NFKBIL1: variants seen among roughly 807,000 people sequenced by gnomAD.
NFKBIL1 encodes NFKB inhibitor like 1.
A neutral mutation model predicts 45.4 loss-of-function variants in NFKBIL1; 30 were observed. The ratio of observed to expected loss-of-function variants is 0.66; its 90% CI spans 0.49 to 0.90. NFKBIL1 has a LOEUF of 0.90. Among genes scored for constraint, NFKBIL1 ranks in the 40% least tolerant of loss-of-function variants. The pLI is 0.00. For missense variants in NFKBIL1, 434 were observed against 513.4 expected, an observed-to-expected ratio of 0.85 and a Z score of 1.49; for synonymous variants, 179 against 197.3, an observed-to-expected ratio of 0.91 and a Z score of 0.78.
rs777732846 is a variant in NFKBIL1, at chr6:31,557,592, C to T, written c.335-36C>T. The stretch of plus-strand genomic sequence containing the variant: ...GCAGCTCTGCCGAGGAGTGGGAGTC[C>T]CAGCTAACTTCTGCTCCCTGCTCTC... On this transcript the variant is annotated intron_variant, in intron 2 of 3. Transcript: ENST00000376148. This position sits in a 1 kb window ranked among gnomAD's most constrained non-coding sequence, Gnocchi z 5.4. 6.9e-7 allele frequency: 1 copy of T among 1,454,358 alleles called. No individual in the cohort carries two copies. Among genetic ancestry groups the T allele is most frequent in the African/African-American group, 1.4e-5 (1 of 70,444 alleles). 90.1% of individuals were successfully genotyped at this position (1,454,358 alleles called of 1,614,324 possible).
At chr6:31,556,987 G>A (rs998239087) in intron 2 of NFKBIL1, among the ~76,000 whole-genome samples, 1 of 152,208 alleles carries the variant, frequency 6.6e-6, no homozygotes, top group African/African-American at 2.4e-5. Flanking sequence ...AGTGAAAAGT[G>A]GAATACATAG....
chr6:31,558,209 G>A lies in NFKBIL1; in HGVS notation c.744G>A (p.Glu248=). The A allele has an allele frequency of 1.2e-6, 2 of 1,600,366 alleles. No homozygotes were observed. The highest frequency in any genetic ancestry group is 1.7e-6 in the Non-Finnish European group (2 of 1,174,344). Reference sequence around the variant, plus strand: ...AGGAGGAGCAGCGGCTCTTCAGGGAGCGAGCCCGGGCCAAGGAGGAAGAGC... The same window carrying A: ...AGGAGGAGCAGCGGCTCTTCAGGGAACGAGCCCGGGCCAAGGAGGAAGAGC... ...QQEEEQRLFR[E]RARAKEEELR... Residue 248 remains glutamate, a synonymous_variant, in exon 4 of 4, where the codon GAG becomes GAA. Transcript: ENST00000376148. This position sits in a 1 kb window ranked among gnomAD's most constrained non-coding sequence, Gnocchi z 7.2.
Position 31,558,008 on chromosome 6 carries a change from A to AC in NFKBIL1, c.557-11dup. The stretch of plus-strand genomic sequence containing the variant: ...GCCTCTCTCCAACTACCCCCATCCC[A>AC]CCCTCCCAAACAGGTGATGCCTCCC... On this transcript the variant is annotated splice_polypyrimidine_tract_variant and intron_variant, in intron 3 of 3. Transcript: ENST00000376148. This position sits in a 1 kb window ranked among gnomAD's most constrained non-coding sequence, Gnocchi z 7.2. 4.3e-6 allele frequency: 3 copies of AC among 705,100 alleles called. No homozygotes were observed. The highest frequency in any genetic ancestry group is 6.5e-6 in the Non-Finnish European group (3 of 462,002). 43.7% of individuals were successfully genotyped at this position (705,100 alleles called of 1,614,324 possible).
rs9279350 is a variant in NFKBIL1 at position 31,557,106 on chromosome 6, A to AT, written c.335-503dup. On this transcript the variant is annotated intron_variant, in intron 2 of 3. Transcript: ENST00000376148. This position sits in a 1 kb window ranked among gnomAD's most constrained non-coding sequence, Gnocchi z 5.4. ...ATAGTTTGTGGAGACACAAGTAAGA[A>AT]TTTTTTTTTTTTTTTTTTTGAGACG... Among the ~76,000 whole-genome samples, 82 of 124,666 alleles carry AT rather than the reference A, an allele frequency of 6.6e-4. No individual in the cohort carries two copies. Among genetic ancestry groups the AT allele is most frequent in the Non-Finnish European group, 1.2e-3 (68 of 59,066 alleles). 81.8% of individuals were successfully genotyped at this position (124,666 alleles called of 152,430 possible). A position where few individuals can be genotyped will look rare whatever the true frequency, so the allele number is the denominator to read the frequency against.
intron 2 of NFKBIL1, among the ~76,000 whole-genome samples, chr6:31,549,070 GC>G (rs1457714620): frequency 6.6e-6 from 1 of 152,090 alleles, no homozygotes; most frequent in Non-Finnish European, 1.5e-5. Flanking sequence ...GCTTTTAACA[GC>G]TACATTGTCC....
At chr6:31,551,821 G>A (rs1012063770) in intron 2 of NFKBIL1, among the ~76,000 whole-genome samples, 1 of 151,670 alleles carries the variant, frequency 6.6e-6, no homozygotes, top group Non-Finnish European at 1.5e-5. Context: ...TTTTGAGACG[G>A]AGTCTCCCTC....
chr6:31,550,656 A>G (rs115623520), intron 2 of NFKBIL1, among the ~76,000 whole-genome samples: 2,056 of 152,048 alleles, frequency 0.014, 27 homozygotes, highest in South Asian at 0.059. Context: ...TGTGAGCCCA[A>G]TTTGCCTCGC....
At chr6:31,552,792 C>T (rs1769508646) in intron 2 of NFKBIL1, among the ~76,000 whole-genome samples, 1 of 138,128 alleles carries the variant, frequency 7.2e-6, no homozygotes, top group South Asian at 2.3e-4. Flanking sequence ...GCAAGCTCCG[C>T]TTCCCAGGTT....
intron 1 of NFKBIL1, 84 bp downstream of exon 1, chr6:31,547,835 C>T: frequency 3.3e-6 from 4 of 1,208,996 alleles, no homozygotes; most frequent in Non-Finnish European, 3.5e-6. Flanking sequence ...AAAAATTTTC[C>T]CCATCCGGCC....
chr6:31,550,020 T>G (rs141849109), intron 2 of NFKBIL1, among the ~76,000 whole-genome samples: 1,659 of 152,086 alleles, frequency 0.011, 25 homozygotes, highest in African/African-American at 0.036. Flanking sequence ...ACCAACATAG[T>G]GAAACCCCCA....
Position 31,557,549 on chromosome 6 carries a change from C to A in NFKBIL1, c.335-79C>A. 5 of 1,194,276 alleles carry A rather than the reference C, an allele frequency of 4.2e-6. No individual in the cohort carries two copies. The highest frequency in any genetic ancestry group is 5.8e-6 in the Non-Finnish European group (5 of 866,856). The allele number at this position is 1,194,276 out of a possible 1,614,324, so 74.0% of individuals were successfully genotyped here. A position where few individuals can be genotyped will look rare whatever the true frequency, so the allele number is the denominator to read the frequency against. On this transcript the variant is annotated intron_variant, in intron 2 of 3. Transcript: ENST00000376148. This position sits in a 1 kb window ranked among gnomAD's most constrained non-coding sequence, Gnocchi z 5.4. ...GCTTTAAGACCAAGGGAGCGAGTGACCAGCAGGATTCAAGATGGCAGCTCT... is the reference window on the plus strand; with the variant it reads ...GCTTTAAGACCAAGGGAGCGAGTGAACAGCAGGATTCAAGATGGCAGCTCT...
chr6:31,558,072 G>A lies in NFKBIL1; in HGVS notation c.607G>A (p.Asp203Asn). 6.2e-7 allele frequency: 1 copy of A among 1,612,082 alleles called. No homozygotes were observed. Among genetic ancestry groups the A allele is most frequent in the African/African-American group, 1.3e-5 (1 of 74,916 alleles). ...QEPESFSAWS[D>N]RLAREHAQKC... ...ACCTGAGTCCTTCTCAGCCTGGTCA[G>A]ATCGCCTGGCCCGGGAACATGCCCA... The change falls in exon 4 of 4, where the codon GAT becomes AAT. Residue 203 changes from aspartate to asparagine, a missense_variant. Around this residue, in one of 4 missense-constraint regions of NFKBIL1, gnomAD observed 23 missense variants for 46.9 expected, o/e 0.49. Transcript: ENST00000376148. This position sits in a 1 kb window ranked among gnomAD's most constrained non-coding sequence, Gnocchi z 7.2.
rs571548437 is a variant in NFKBIL1 at position 31,549,365 on chromosome 6, C to T, written c.334+926C>T. ...CTCCCAGGTTCAAGTGATTCTCATG[C>T]GTCAGCCTCCCAAGTAGCTAGGATT... On this transcript the variant is annotated intron_variant, in intron 2 of 3. Coordinates refer to ENST00000376148, the MANE Select transcript of NFKBIL1 (RefSeq NM_005007.4). 5.3e-5 allele frequency among the ~76,000 whole-genome samples: 8 copies of T among 151,828 alleles called. No individual in the cohort carries two copies. In the South Asian group the frequency reaches 6.3e-4, roughly 12 times the overall value.
In NFKBIL1 at chr6:31,558,192, C is replaced by G; in HGVS notation, c.727C>G (p.Gln243Glu). The change falls in exon 4 of 4, where the codon CAG becomes GAG. Residue 243 changes from glutamine (Q) to glutamate (E), a missense_variant. Around this residue, in one of 4 missense-constraint regions of NFKBIL1, gnomAD observed 128 missense variants for 106.5 expected, o/e 1.20. Transcript: ENST00000376148. This position sits in a 1 kb window ranked among gnomAD's most constrained non-coding sequence, Gnocchi z 7.2. Reference protein sequence around the residue: ...SQSWRQQEEEQRLFRERARAK... With the variant: ...SQSWRQQEEEERLFRERARAK... Reference sequence around the variant, plus strand: ...GAGCTGGCGACAGCAGGAGGAGGAGCAGCGGCTCTTCAGGGAGCGAGCCCG... The same window carrying G: ...GAGCTGGCGACAGCAGGAGGAGGAGGAGCGGCTCTTCAGGGAGCGAGCCCG... 6.2e-7 allele frequency: 1 copy of G among 1,607,228 alleles called. No homozygotes were observed. The highest frequency in any genetic ancestry group is 8.5e-7 in the Non-Finnish European group (1 of 1,177,548).
Position 31,548,247 on chromosome 6 carries a change from C to T in NFKBIL1, c.142C>T (p.Arg48Trp), listed in dbSNP as rs199556213. The change falls in exon 2 of 4, where the codon CGG becomes TGG. Residue 48 changes from arginine (R) to tryptophan (W), a missense_variant. Arg to Trp is a moderately radical substitution (Grantham distance 101, BLOSUM62 -3). Transcript: ENST00000376148. ...RRYLSAGRLV[R>W]AQALLQRHPG... ...TTACTTGTCTGCAGGACGGCTGGTCCGGGCCCAGGCCCTCCTCCAGCGACA... is the reference window on the plus strand; with the variant it reads ...TTACTTGTCTGCAGGACGGCTGGTCTGGGCCCAGGCCCTCCTCCAGCGACA... 4 of 1,612,976 alleles carry T rather than the reference C, an allele frequency of 2.5e-6. No individual in the cohort carries two copies. The highest frequency in any genetic ancestry group is 3.4e-6 in the Non-Finnish European group (4 of 1,180,042).
intron 2 of NFKBIL1, among the ~76,000 whole-genome samples, chr6:31,551,549 T>G (rs749748952): frequency 6.6e-5 from 10 of 152,188 alleles, no homozygotes; most frequent in Non-Finnish European, 1.3e-4. Context: ...CCAGATGGCC[T>G]TCTAACTCCT....
intron 2 of NFKBIL1, among the ~76,000 whole-genome samples, chr6:31,550,240 G>T (rs1769354826): frequency 6.6e-6 from 1 of 151,614 alleles, no homozygotes; most frequent in Non-Finnish European, 1.5e-5. Flanking sequence ...CTCTTTATAG[G>T]TAGAGCCCTG....
Position 31,547,664 on chromosome 6 carries a change from G to C in NFKBIL1, c.-31G>C. ...ACACAGGCCTTGGGCCTACGGCTCT[G>C]GGGGTACTTGGGGGGGCGGGGGCAG... On this transcript the variant is annotated 5_prime_UTR_variant, in exon 1 of 4. Coordinates refer to ENST00000376148, the MANE Select transcript of NFKBIL1 (RefSeq NM_005007.4). 1 of 1,572,510 alleles carries C rather than the reference G, an allele frequency of 6.4e-7. No homozygotes were observed. Among genetic ancestry groups the C allele is most frequent in the Non-Finnish European group, 8.7e-7 (1 of 1,147,330 alleles).
chr6:31,554,676 G>A (rs1769616564), intron 2 of NFKBIL1, among the ~76,000 whole-genome samples: 1 of 152,210 alleles, frequency 6.6e-6, no homozygotes, highest in Admixed American at 6.5e-5. Flanking sequence ...GGTAAAGGAA[G>A]ACATAGGCAC....
Sources: allele counts gnomAD v4.1 joint callset (sites outside exome capture counted in the v4.1 genomes callset), GRCh38; gene constraint gnomAD v4.1.1; regional missense constraint gnomAD v4.1.1; non-coding constraint Gnocchi (gnomAD v3.1); transcripts MANE v1.5; gene names NCBI Gene and HGNC (gene_info 2026-07-23, HGNC 2026-07-21).